Variants in ATM observed in about 807,000 individuals in gnomAD.
The protein encoded by ATM is ATM serine/threonine kinase, also known as serine-protein kinase ATM.
Under a neutral mutation model 387.0 loss-of-function variants are expected in ATM, and 308 were observed. The ratio of observed to expected loss-of-function variants is 0.80; its 90% CI spans 0.73 to 0.87. The LOEUF (loss-of-function observed/expected upper bound fraction) is 0.87, where lower values mean the gene tolerates loss of function less well. Among genes scored for constraint, ATM ranks in the 40% least tolerant of loss-of-function variants. The pLI is 0.00. For synonymous variants in ATM, 1,156 were observed against 1,187.3 expected (o/e 0.97, Z 0.54); for missense variants, 3,312 against 3,560.9 (o/e 0.93, Z 1.78).
intron 7 of ATM, among the ~76,000 whole-genome samples, chr11:108,245,847 CAG>C (rs1375150455): frequency 2.1e-4 from 26 of 124,554 alleles, no homozygotes; most frequent in Non-Finnish European, 3.7e-4. Context: ...TTTTTTGAGA[CAG>C]AGTCTCACTC....
At chr11:108,347,159 C>T in intron 58 of ATM, 120 bp from the exon 59 acceptor site, 2 of 813,136 alleles carry the variant, frequency 2.5e-6, no homozygotes, top group Non-Finnish European at 4.2e-6. Context: ...TTTAAGTAGG[C>T]TAAAAATCCT....
chr11:108,349,772 T>C (rs886309152), intron 59 of ATM, among the ~76,000 whole-genome samples: 5 of 152,230 alleles, frequency 3.3e-5, no homozygotes, highest in Middle Eastern at 3.4e-3. Context: ...TTTTTTAAGA[T>C]AGGAGAGGTT....
rs1555095890 is a variant in ATM, at chr11:108,287,628, C to T, written c.4022C>T (p.Pro1341Leu). The T allele has an allele frequency of 1.2e-6, 2 of 1,612,696 alleles. No individual in the cohort carries two copies. Among genetic ancestry groups the T allele is most frequent in the East Asian group, 2.2e-5 (1 of 44,824 alleles). The change falls in exon 27 of 63, where the codon CCA becomes CTA. Residue 1341 changes from proline (P) to leucine (L), a missense_variant. Pro to Leu is a moderately conservative substitution (Grantham distance 98). Coordinates refer to ENST00000675843, the MANE Select transcript of ATM (RefSeq NM_000051.4). ...QIDHLFISNL[P>L]EIVVELLMTL... ...GATCACTTATTCATTAGTAATTTAC[C>T]AGAGATTGTGGTGGAGTTATTGATG...
At position 108,251,817 on chromosome 11, in the gene ATM, T is replaced by C. The variant is rs1252733933; in HGVS notation, c.1608-20T>C. 1 of 1,613,356 alleles carries C rather than the reference T, an allele frequency of 6.2e-7. No individual in the cohort carries two copies. The highest frequency in any genetic ancestry group is 8.5e-7 in the Non-Finnish European group (1 of 1,179,500). The stretch of plus-strand genomic sequence containing the variant: ...CCTCCAATAGCTTGCTTTTCACAAT[T>C]GTCCTTTGTTTTGTTATAGTCCTGC... On this transcript the variant is annotated intron_variant, in intron 10 of 62. Transcript: ENST00000675843.
chr11:108,229,443 A>G, intron 4 of ATM, 120 bp downstream of exon 4: 2 of 1,041,806 alleles, frequency 1.9e-6, no homozygotes, highest in Non-Finnish European at 2.8e-6. Context: ...TAAATAGAAT[A>G]AGATAAAAGT....
chr11:108,347,690 A>C (rs2088624733), intron 59 of ATM, among the ~76,000 whole-genome samples: 1 of 152,142 alleles, frequency 6.6e-6, no homozygotes, highest in Non-Finnish European at 1.5e-5. Context: ...TTTAAGATGT[A>C]GCATGTTGTG....
rs57385684 is a variant in ATM at position 108,306,664 on chromosome 11, TTC to T, written c.5675-1231_5675-1230del. 5.9e-3 allele frequency among the ~76,000 whole-genome samples: 892 copies of T among 152,320 alleles called. 7 individuals are homozygous for T. The highest frequency in any genetic ancestry group is 0.017 in the African/African-American group (724 of 41,576). On this transcript the variant is annotated intron_variant, in intron 37 of 62. Transcript: ENST00000675843. ...GAAAATTTAAACTTCACATATAAAA[TTC>T]TGTTATTGAAAAGGAAATACATATT...
At chr11:108,284,016 G>C (rs1413960223) in intron 25 of ATM, among the ~76,000 whole-genome samples, 2 of 152,076 alleles carry the variant, frequency 1.3e-5, no homozygotes, top group Middle Eastern at 3.4e-3. Context: ...AATTATGGTG[G>C]TGGTATGTTC....
chr11:108,271,982 C>T (rs1166342454), intron 20 of ATM, among the ~76,000 whole-genome samples: 2 of 152,154 alleles, frequency 1.3e-5, no homozygotes, highest in Admixed American at 6.5e-5. Flanking sequence ...AAGCAATTGT[C>T]CTGCCTCAGC....
Position 108,289,692 on chromosome 11 carries a change from C to T in ATM, c.4327C>T (p.His1443Tyr), listed in dbSNP as rs1555097538. 6.2e-7 allele frequency: 1 copy of T among 1,613,402 alleles called. No homozygotes were observed. The highest frequency in any genetic ancestry group is 1.3e-5 in the African/African-American group (1 of 75,024). ...GAAGCACAGAATTCTTAAAATATATCACCTGTTTGTTAGTTTATTACTGAA... is the reference window on the plus strand; with the variant it reads ...GAAGCACAGAATTCTTAAAATATATTACCTGTTTGTTAGTTTATTACTGAA... ...YKKHRILKIY[H>Y]LFVSLLLKDI... The change falls in exon 29 of 63, where the codon CAC becomes TAC. Residue 1443 changes from histidine (H) to tyrosine (Y), a missense_variant. Coordinates refer to ENST00000675843, the MANE Select transcript of ATM (RefSeq NM_000051.4).
intron 37 of ATM, among the ~76,000 whole-genome samples, chr11:108,307,173 A>G (rs2083758495): frequency 6.7e-6 from 1 of 148,788 alleles, no homozygotes; most frequent in South Asian, 2.1e-4. Flanking sequence ...CTCTTGAGAC[A>G]GAGTCTCGCT....
rs78813088 is a variant in ATM at position 108,241,471 on chromosome 11, A to G, written c.497-2482A>G. On this transcript the variant is annotated intron_variant, in intron 5 of 62. Coordinates refer to ENST00000675843, the MANE Select transcript of ATM (RefSeq NM_000051.4). ...TGGCAGTGCAGTGGGTTTTTTTTAC[A>G]CAAGTATCACCACAAATGCTTGTGA... is the stretch of plus-strand genomic sequence containing the variant. Among the ~76,000 whole-genome samples the G allele has an allele frequency of 5.2e-3, 789 of 152,222 alleles. 8 individuals carry two copies. The highest frequency in any genetic ancestry group is 0.018 in the African/African-American group (759 of 41,540).
chr11:108,289,474 C>G (rs1371484041), intron 28 of ATM, 128 bp from the exon 29 acceptor site: 6 of 756,724 alleles, frequency 7.9e-6, no homozygotes, highest in Non-Finnish European at 1.2e-5. Context: ...AATCTAAATT[C>G]TGTTATTTAG....
intron 5 of ATM, 198 bp downstream of exon 5, chr11:108,236,032 T>G: frequency 6.6e-6 from 4 of 602,708 alleles, no homozygotes; most frequent in Middle Eastern, 4.4e-4. Flanking sequence ...ATGAATAATA[T>G]ATCAGGTGCC....
chr11:108,285,872 T>C (rs1240791858), intron 26 of ATM, among the ~76,000 whole-genome samples: 1 of 152,212 alleles, frequency 6.6e-6, no homozygotes. Flanking sequence ...TTAATCTTAC[T>C]ATTCTTTTCT....
At chr11:108,272,926 C>T (rs149412293) in intron 22 of ATM, 74 bp downstream of exon 22, 1 of 1,580,632 alleles carries the variant, frequency 6.3e-7, no homozygotes, top group Non-Finnish European at 8.7e-7. Context: ...AGTAACAGCT[C>T]ACAGTTGCAA....
intron 40 of ATM, among the ~76,000 whole-genome samples, chr11:108,314,104 T>C (rs1356043665): frequency 1.3e-5 from 2 of 152,148 alleles, no homozygotes; most frequent in Non-Finnish European, 2.9e-5. Context: ...GACTGTATTT[T>C]CTAATGTACA....
chr11:108,312,499 G>A lies in ATM; in HGVS notation c.6006+1G>A, dbSNP rs786202016. On this transcript the variant is annotated splice_donor_variant, in intron 40 of 62. Transcript: ENST00000675843. LOFTEE classifies it high-confidence loss of function. Reference sequence around the variant, plus strand: ...AGAAGAAACTGGAATAAGTTTACAGGTAAATATTAGAGGCTCTATTATTTA... The same window carrying A: ...AGAAGAAACTGGAATAAGTTTACAGATAAATATTAGAGGCTCTATTATTTA... 1 of 1,542,256 alleles carries A rather than the reference G, an allele frequency of 6.5e-7. No individual in the cohort carries two copies.
chr11:108,296,318 T>C (rs112992269), intron 32 of ATM, among the ~76,000 whole-genome samples: 1,609 of 152,106 alleles, frequency 0.011, 20 homozygotes, highest in African/African-American at 0.036. Context: ...TGGCACAGTC[T>C]CAGCTCACTG....
Sources: gnomAD v4.1 joint callset for allele counts (sites outside exome capture counted in the v4.1 genomes callset) on GRCh38, gnomAD v4.1.1 for gene constraint, MANE v1.5 for transcripts, NCBI Gene and HGNC (gene_info 2026-07-23, HGNC 2026-07-21) for gene names.